The following KHDRBS2 variants were observed in gnomAD, a reference collection of about 807,000 sequenced individuals.
KHDRBS2 encodes KH RNA binding domain containing, signal transduction associated 2.
Under a neutral mutation model 44.3 loss-of-function variants are expected in KHDRBS2, and 26 were observed. The observed-to-expected ratio is 0.59, with a 90% confidence interval of 0.43 to 0.81. The LOEUF (loss-of-function observed/expected upper bound fraction) is 0.81, where lower values mean the gene tolerates loss of function less well. Among genes scored for constraint, KHDRBS2 ranks in the 40% least tolerant of loss-of-function variants. KHDRBS2 has a pLI of 0.00. For synonymous variants in KHDRBS2, 194 were observed against 151.1 expected (o/e 1.28, Z -2.08); for missense variants, 476 against 433.1 (o/e 1.10, Z -0.88).
rs1237694659 is a variant in KHDRBS2 at position 62,177,428 on chromosome 6, T to C, written c.92-116A>G. The C allele has an allele frequency of 3.9e-6, 3 of 767,612 alleles. No homozygotes were observed. The East Asian group carries it at 8.4e-5, about 22-fold the overall frequency. 47.6% of individuals were successfully genotyped at this position (767,612 alleles called of 1,614,324 possible). On this transcript the variant is annotated intron_variant, in intron 1 of 8. Coordinates refer to ENST00000281156, the MANE Select transcript of KHDRBS2 (RefSeq NM_152688.4). ...ATTACTCCTCTTCTCAAATAAGATTTTGATGAATATTGATAAAAGGCCTGA... is the reference window on the plus strand; with the variant it reads ...ATTACTCCTCTTCTCAAATAAGATTCTGATGAATATTGATAAAAGGCCTGA...
chr6:61,946,261 C>T (rs1813358821), intron 4 of KHDRBS2, among the ~76,000 whole-genome samples: 1 of 152,214 alleles, frequency 6.6e-6, no homozygotes, highest in Non-Finnish European at 1.5e-5. Context: ...ACTCAGGTTA[C>T]ATTCTTTTAG....
intron 2 of KHDRBS2, among the ~76,000 whole-genome samples, chr6:62,064,346 A>C (rs1206233805): frequency 1.3e-5 from 2 of 148,634 alleles, no homozygotes; most frequent in African/African-American, 4.9e-5. Context: ...CAAAAGAACA[A>C]AGCTGGAGGC....
At chr6:62,055,968 C>T (rs1790193153) in intron 2 of KHDRBS2, among the ~76,000 whole-genome samples, 1 of 151,988 alleles carries the variant, frequency 6.6e-6, no homozygotes, top group South Asian at 2.1e-4. Flanking sequence ...CCTCAAACTT[C>T]CAGTCTGTGA....
the KHDRBS2 span, among the ~76,000 whole-genome samples, chr6:61,565,479 A>G: frequency 2.0e-5 from 3 of 152,184 alleles, no homozygotes; most frequent in African/African-American, 4.8e-5. Context: ...AAAAAAACAA[A>G]TAATTTAATT....
the KHDRBS2 span, among the ~76,000 whole-genome samples, chr6:61,560,346 ACTT>A: frequency 6.6e-6 from 1 of 152,062 alleles, no homozygotes; most frequent in Non-Finnish European, 1.5e-5. Flanking sequence ...AATACTGATA[ACTT>A]CTTCTAGGTT....
chr6:62,260,729 A>G (rs1243324353), intron 1 of KHDRBS2, among the ~76,000 whole-genome samples: 3 of 151,960 alleles, frequency 2.0e-5, no homozygotes, highest in Non-Finnish European at 2.9e-5. Context: ...CTTTAGGAAG[A>G]GTCTCAATCT....
At chr6:62,274,361 T>C (rs1056750079) in intron 1 of KHDRBS2, among the ~76,000 whole-genome samples, 2 of 152,160 alleles carry the variant, frequency 1.3e-5, no homozygotes, top group South Asian at 2.1e-4. Context: ...TAAAACTCCA[T>C]CACACTTGCC....
the KHDRBS2 span, among the ~76,000 whole-genome samples, chr6:61,637,449 T>A: frequency 6.6e-6 from 1 of 152,104 alleles, no homozygotes; most frequent in South Asian, 2.1e-4. Flanking sequence ...GACATTTGGG[T>A]TGGTTCCAAG....
chr6:61,987,814 T>C (rs770148962), intron 3 of KHDRBS2, among the ~76,000 whole-genome samples: 1 of 152,212 alleles, frequency 6.6e-6, no homozygotes, highest in Non-Finnish European at 1.5e-5. Context: ...CCTCTAACTC[T>C]TGTCACTTCA....
At position 61,732,241 on chromosome 6, in the gene KHDRBS2, G is replaced by A. The variant is rs1774590522; in HGVS notation, c.893+441C>T. 2.0e-5 allele frequency among the ~76,000 whole-genome samples: 3 copies of A among 151,818 alleles called. No individual in the cohort carries two copies. The South Asian group carries it at 6.2e-4, about 31-fold the overall frequency. On this transcript the variant is annotated intron_variant, in intron 7 of 8. Transcript: ENST00000281156. ...AATCAATATGAGACCTATCAAGAAA[G>A]CAAAGGAATTCTTGATTCCCTAAGA... is the stretch of plus-strand genomic sequence containing the variant.
At chr6:61,747,320 C>T (rs1461644540) in intron 6 of KHDRBS2, among the ~76,000 whole-genome samples, 1 of 152,090 alleles carries the variant, frequency 6.6e-6, no homozygotes, top group Non-Finnish European at 1.5e-5. Context: ...ATAATGATTC[C>T]TGCCAAACTT....
intron 4 of KHDRBS2, among the ~76,000 whole-genome samples, chr6:61,923,960 A>C (rs145890904): frequency 4.5e-4 from 68 of 152,242 alleles, no homozygotes; most frequent in African/African-American, 1.6e-3. Context: ...CATCAATGAA[A>C]AATAATACAA....
intron 4 of KHDRBS2, among the ~76,000 whole-genome samples, chr6:61,971,936 C>T (rs1480955368): frequency 6.6e-6 from 1 of 152,004 alleles, no homozygotes; most frequent in African/African-American, 2.4e-5. Flanking sequence ...GCTCATGTAC[C>T]ATACATTGCT....
intron 2 of KHDRBS2, among the ~76,000 whole-genome samples, chr6:62,057,741 T>G (rs1226346681): frequency 6.6e-6 from 1 of 151,926 alleles, no homozygotes; most frequent in South Asian, 2.1e-4. Context: ...TCAAATAATT[T>G]CAAGGTATTT....
At chr6:61,991,766 A>G (rs1363672241) in intron 3 of KHDRBS2, among the ~76,000 whole-genome samples, 3 of 152,170 alleles carry the variant, frequency 2.0e-5, no homozygotes, top group Non-Finnish European at 4.4e-5. Context: ...GGATGCCAAG[A>G]CAGCTCTGAC....
intron 1 of KHDRBS2, among the ~76,000 whole-genome samples, chr6:62,209,059 A>G (rs1449363566): frequency 2.6e-5 from 4 of 152,228 alleles, no homozygotes; most frequent in Admixed American, 6.5e-5. Context: ...AATGAAATAA[A>G]AAGACAACTT....
intron 2 of KHDRBS2, among the ~76,000 whole-genome samples, chr6:62,050,769 G>A (rs141368558): frequency 6.6e-6 from 1 of 152,068 alleles, no homozygotes; most frequent in Non-Finnish European, 1.5e-5. Flanking sequence ...GTTCCACTAT[G>A]ATCCAGTAAT....
chr6:62,244,161 G>A (rs139460511), intron 1 of KHDRBS2, among the ~76,000 whole-genome samples: 2,019 of 152,138 alleles, frequency 0.013, 40 homozygotes, highest in African/African-American at 0.046. Flanking sequence ...GTATCTAAAC[G>A]TACACGTGAA....
intron 4 of KHDRBS2, among the ~76,000 whole-genome samples, chr6:61,977,497 G>A (rs1772918930): frequency 1.3e-5 from 2 of 152,064 alleles, no homozygotes; most frequent in Non-Finnish European, 2.9e-5. Context: ...GGTAGAGTGA[G>A]TTTATTTTTC....
Sources: gnomAD v4.1 joint callset for allele counts (sites outside exome capture counted in the v4.1 genomes callset) on GRCh38, gnomAD v4.1.1 for gene constraint, MANE v1.5 for transcripts, NCBI Gene and HGNC (gene_info 2026-07-23, HGNC 2026-07-21) for gene names.